The following SLC4A10 variants were observed in gnomAD, a reference collection of about 807,000 sequenced individuals.
SLC4A10 encodes sodium-driven chloride bicarbonate exchanger.
A neutral mutation model predicts 137.7 loss-of-function variants in SLC4A10; 42 were observed. That is an observed-to-expected ratio of 0.30 (90% CI 0.24 to 0.39). SLC4A10 has a LOEUF of 0.39. SLC4A10 is among the 10% of genes least tolerant of loss of function. The pLI, the probability that SLC4A10 is intolerant of heterozygous loss-of-function variation, is 1.00. For missense variants in SLC4A10, 925 were observed against 1,355.0 expected (o/e 0.68, Z 4.98); for synonymous variants, 474 against 464.1 (o/e 1.02, Z -0.27).
At chr2:161,719,490 A>G (rs1458391972) in intron 1 of SLC4A10, among the ~76,000 whole-genome samples, 2 of 152,078 alleles carry the variant, frequency 1.3e-5, no homozygotes, top group African/African-American at 4.8e-5. Flanking sequence ...GACTTCCACA[A>G]TGGTTGAACT....
chr2:161,714,475 G>T (rs909512382), intron 1 of SLC4A10, among the ~76,000 whole-genome samples: 1 of 151,926 alleles, frequency 6.6e-6, no homozygotes, highest in Non-Finnish European at 1.5e-5. Context: ...AGAAGAATAA[G>T]TTAAGGGAGA....
chr2:161,770,977 A>T lies in SLC4A10; in HGVS notation c.53A>T (p.Asn18Ile). ...TTCCTTATCCTCATTTAACAGAGAA[A>T]TGATGAAGAAGCAGTTGTGGATAGA... ...AQMEPLLPTR[N>I]DEEAVVDRGG... Residue 18 changes from asparagine (N) to isoleucine (I), a missense_variant, in exon 2 of 27, where the codon AAT becomes ATT. Physicochemically the swap from Asn to Ile is moderately radical, Grantham distance 149. Transcript: ENST00000446997. The T allele has an allele frequency of 6.2e-7, 1 of 1,602,896 alleles. No individual in the cohort carries two copies. The highest frequency in any genetic ancestry group is 8.5e-7 in the Non-Finnish European group (1 of 1,173,304).
chr2:161,946,903 G>A (rs1346839977), intron 16 of SLC4A10, among the ~76,000 whole-genome samples: 1 of 152,056 alleles, frequency 6.6e-6, no homozygotes, highest in African/African-American at 2.4e-5. Flanking sequence ...TGACTTACAA[G>A]TTCATTTCAG....
chr2:161,875,001 A>G (rs1428253849), intron 8 of SLC4A10, among the ~76,000 whole-genome samples: 3 of 152,212 alleles, frequency 2.0e-5, no homozygotes, highest in Admixed American at 6.5e-5. Flanking sequence ...ACACCAGACC[A>G]TAATTGAATG....
intron 1 of SLC4A10, among the ~76,000 whole-genome samples, chr2:161,690,422 G>C (rs919192647): frequency 2.0e-5 from 3 of 152,104 alleles, no homozygotes; most frequent in Admixed American, 2.0e-4. Flanking sequence ...AATGCCATTT[G>C]ACCCAGCAAT....
intron 2 of SLC4A10, 76 bp from the exon 3 acceptor site, chr2:161,804,373 C>A: frequency 6.9e-7 from 1 of 1,454,052 alleles, no homozygotes; most frequent in Non-Finnish European, 9.3e-7. Flanking sequence ...ATTGAGTCTC[C>A]ATTAACATGT....
intron 16 of SLC4A10, among the ~76,000 whole-genome samples, 163 bp from the exon 17 acceptor site, chr2:161,947,403 T>C (rs917546048): frequency 2.6e-5 from 4 of 152,154 alleles, no homozygotes; most frequent in African/African-American, 9.6e-5. Flanking sequence ...CCCATCCAAG[T>C]TGAACTTGAA....
chr2:161,866,857 G>C (rs1244910939), intron 6 of SLC4A10, among the ~76,000 whole-genome samples: 1 of 151,674 alleles, frequency 6.6e-6, no homozygotes, highest in Admixed American at 6.6e-5. Context: ...TTATCCTTAT[G>C]ATAATTTTTA....
intron 8 of SLC4A10, among the ~76,000 whole-genome samples, chr2:161,874,649 T>A (rs1179369178): frequency 6.6e-6 from 1 of 152,230 alleles, no homozygotes; most frequent in African/African-American, 2.4e-5. Context: ...TCTAGAGCCC[T>A]CTACTTAGTG....
intron 23 of SLC4A10, among the ~76,000 whole-genome samples, chr2:161,971,139 T>C (rs1478906457): frequency 6.6e-6 from 1 of 152,252 alleles, no homozygotes; most frequent in Non-Finnish European, 1.5e-5. Context: ...CTACCTGCCA[T>C]TGAATGGATT....
chr2:161,708,969 A>G, intron 1 of SLC4A10: 1 of 990,212 alleles, frequency 1.0e-6, no homozygotes, highest in Non-Finnish European at 1.4e-6. Flanking sequence ...AGTAAGATTT[A>G]TGGCAGCTAA....
intron 1 of SLC4A10, among the ~76,000 whole-genome samples, chr2:161,670,495 A>G (rs944969939): frequency 1.3e-5 from 2 of 151,988 alleles, no homozygotes; most frequent in Non-Finnish European, 2.9e-5. Context: ...TTCTTCCTGT[A>G]TCTCAGGTTT....
chr2:161,804,477 T>C lies in SLC4A10; in HGVS notation c.159T>C (p.His53=), dbSNP rs2055706192. ...ATCGAACACTATTTATTGGAGTACA[T>C]GTGCCCTTGGGAGGAAGAAAAAGCC... ...EGHRTLFIGV[H]VPLGGRKSHR... The change falls in exon 3 of 27, where the codon CAT becomes CAC. Residue 53 remains histidine (H), a synonymous_variant. Transcript: ENST00000446997. The C allele has an allele frequency of 6.2e-7, 1 of 1,613,000 alleles. No individual in the cohort carries two copies. The highest frequency in any genetic ancestry group is 1.1e-5 in the South Asian group (1 of 91,024).
chr2:161,840,426 A>G (rs1192812317), intron 4 of SLC4A10, among the ~76,000 whole-genome samples: 1 of 152,234 alleles, frequency 6.6e-6, no homozygotes, highest in East Asian at 1.9e-4. Flanking sequence ...TTTTAAAAAT[A>G]TCTTTTAAAA....
At chr2:161,830,755 T>A (rs181778172) in intron 3 of SLC4A10, among the ~76,000 whole-genome samples, 20 of 152,268 alleles carry the variant, frequency 1.3e-4, no homozygotes, top group African/African-American at 4.6e-4. Context: ...GATATAGCAG[T>A]GAATAAAACA....
At chr2:161,816,596 A>C (rs146978575) in intron 3 of SLC4A10, among the ~76,000 whole-genome samples, 1 of 151,670 alleles carries the variant, frequency 6.6e-6, no homozygotes, top group Non-Finnish European at 1.5e-5. Flanking sequence ...GTCATTTAGC[A>C]TTAGGTATAT....
intron 1 of SLC4A10, among the ~76,000 whole-genome samples, chr2:161,684,884 C>T (rs1238163518): frequency 6.6e-6 from 1 of 152,046 alleles, no homozygotes; most frequent in East Asian, 1.9e-4. Context: ...GTGGTATAGC[C>T]AGAAATAGGC....
intron 1 of SLC4A10, among the ~76,000 whole-genome samples, chr2:161,663,836 T>C (rs1169879273): frequency 6.6e-6 from 1 of 152,082 alleles, no homozygotes; most frequent in Non-Finnish European, 1.5e-5. Context: ...ATAATATGAA[T>C]TTTTTTGAAC....
intron 15 of SLC4A10, among the ~76,000 whole-genome samples, chr2:161,919,245 C>T (rs1687698301): frequency 6.6e-6 from 1 of 152,098 alleles, no homozygotes; most frequent in Non-Finnish European, 1.5e-5. Context: ...TGCTGGCACC[C>T]CTTAGCACGA....
Sources: gnomAD v4.1 joint callset for allele counts (sites outside exome capture counted in the v4.1 genomes callset) on GRCh38, gnomAD v4.1.1 for gene constraint, MANE v1.5 for transcripts, NCBI Gene and HGNC (gene_info 2026-07-23, HGNC 2026-07-21) for gene names.